The following SPMIP11 variants were observed in gnomAD, a reference collection of about 807,000 sequenced individuals.
SPMIP11 encodes long intergenic non-protein coding RNA 935.
the SPMIP11 span, among the ~76,000 whole-genome samples, chr12:48,748,094 C>T: frequency 6.6e-6 from 1 of 152,176 alleles, no homozygotes; most frequent in African/African-American, 2.4e-5. Context: ...CCCATTCTCA[C>T]TCTGAGCTAA....
chr12:48,752,965 C>G, the SPMIP11 span, among the ~76,000 whole-genome samples: 1 of 152,260 alleles, frequency 6.6e-6, no homozygotes, highest in East Asian at 1.9e-4. Context: ...AGCCACTGTG[C>G]CAGGCCATCC....
the SPMIP11 span, chr12:48,766,519 G>A: frequency 8.5e-5 from 13 of 152,698 alleles, no homozygotes; most frequent in African/African-American, 3.1e-4. Context: ...GCACCAAGTA[G>A]TCTCTTCCTA....
chr12:48,765,520 C>T, the SPMIP11 span: 25 of 693,538 alleles, frequency 3.6e-5, no homozygotes, highest in East Asian at 8.1e-5. Flanking sequence ...TGAGCCACCG[C>T]GCCCAGCCTC....
the SPMIP11 span, among the ~76,000 whole-genome samples, chr12:48,733,887 C>T: frequency 6.7e-6 from 1 of 149,488 alleles, no homozygotes; most frequent in Non-Finnish European, 1.5e-5. Context: ...TCTCCTGCCT[C>T]AGCCTCCCGA....
At chr12:48,770,289 A>G in the SPMIP11 span, among the ~76,000 whole-genome samples, 1 of 152,102 alleles carries the variant, frequency 6.6e-6, no homozygotes, top group African/African-American at 2.4e-5. Flanking sequence ...GAGAAGTTAG[A>G]AGACTTCTCA....
the SPMIP11 span, among the ~76,000 whole-genome samples, chr12:48,730,272 C>T: frequency 3.3e-5 from 5 of 152,138 alleles, no homozygotes; most frequent in East Asian, 1.9e-4. Context: ...AGAAGTATCC[C>T]GATATCATCT....
At chr12:48,770,668 C>A in the SPMIP11 span, 1 of 1,251,022 alleles carries the variant, frequency 8.0e-7, no homozygotes, top group Non-Finnish European at 1.1e-6. Context: ...CCCACAGGAG[C>A]CCTGATGGGA....
At chr12:48,741,201 G>T in the SPMIP11 span, among the ~76,000 whole-genome samples, 7 of 150,942 alleles carry the variant, frequency 4.6e-5, no homozygotes, top group Non-Finnish European at 8.8e-5. Context: ...ACAGGCATGT[G>T]CCACCAGGCC....
the SPMIP11 span, among the ~76,000 whole-genome samples, chr12:48,730,415 A>C: frequency 6.6e-6 from 1 of 151,964 alleles, no homozygotes. Context: ...CTTCCCCTCC[A>C]CCCCAATTTT....
chr12:48,744,604 C>T, the SPMIP11 span, among the ~76,000 whole-genome samples: 20 of 151,938 alleles, frequency 1.3e-4, no homozygotes, highest in Non-Finnish European at 1.3e-4. Context: ...TGGTGGCACA[C>T]ACCTGTAATC....
the SPMIP11 span, among the ~76,000 whole-genome samples, chr12:48,762,736 A>G: frequency 1.3e-5 from 2 of 152,116 alleles, no homozygotes; most frequent in Non-Finnish European, 2.9e-5. Context: ...AAAGCGGGGC[A>G]GTGGGGGAGG....
At chr12:48,765,489 A>C in the SPMIP11 span, 8 of 645,566 alleles carry the variant, frequency 1.2e-5, no homozygotes, top group Non-Finnish European at 2.0e-5. Context: ...AGGGCCTCCC[A>C]AAGTGCTGGG....
chr12:48,743,963 A>C, the SPMIP11 span, among the ~76,000 whole-genome samples: 4 of 139,778 alleles, frequency 2.9e-5, no homozygotes, highest in Non-Finnish European at 6.1e-5. Context: ...AAAAAAAAAA[A>C]TTGGCCAGGC....
the SPMIP11 span, among the ~76,000 whole-genome samples, chr12:48,729,533 CA>C: frequency 3.5e-5 from 5 of 141,614 alleles, no homozygotes; most frequent in Admixed American, 7.1e-5. Context: ...GACTCCATCT[CA>C]AAAAAAAAAT....
chr12:48,732,872 G>A, the SPMIP11 span, among the ~76,000 whole-genome samples: 2 of 150,726 alleles, frequency 1.3e-5, no homozygotes, highest in African/African-American at 4.9e-5. Flanking sequence ...TGGGAGCGGT[G>A]GCTCACTCCT....
the SPMIP11 span, chr12:48,764,759 G>A: frequency 9.3e-6 from 6 of 642,328 alleles, no homozygotes; most frequent in Non-Finnish European, 1.7e-5. Context: ...AGCAGTTGCT[G>A]GGCTGGGCTG....
the SPMIP11 span, among the ~76,000 whole-genome samples, chr12:48,733,446 A>C: frequency 9.9e-5 from 15 of 152,280 alleles, no homozygotes; most frequent in East Asian, 2.3e-3. Flanking sequence ...TTGTCTTCCA[A>C]GGTTTCCATT....
At chr12:48,736,699 GTTT>G in the SPMIP11 span, among the ~76,000 whole-genome samples, 1 of 144,316 alleles carries the variant, frequency 6.9e-6, no homozygotes, top group South Asian at 2.1e-4. Context: ...TGGGTCGCAT[GTTT>G]TTTTTTTTTT....
the SPMIP11 span, chr12:48,768,183 C>T: frequency 3.6e-6 from 1 of 275,204 alleles, no homozygotes; most frequent in Non-Finnish European, 7.1e-6. Flanking sequence ...ACAAAATATT[C>T]CCAGGAAAAA....
Sources: gnomAD v4.1 joint callset for allele counts (sites outside exome capture counted in the v4.1 genomes callset) on GRCh38, gnomAD v4.1.1 for gene constraint, MANE v1.5 for transcripts, NCBI Gene and HGNC (gene_info 2026-07-23, HGNC 2026-07-21) for gene names.